Variants in ADAMTSL1 observed in about 807,000 individuals in gnomAD.
The protein encoded by ADAMTSL1 is ADAMTS-like protein 1.
Under a neutral mutation model 201.8 loss-of-function variants are expected in ADAMTSL1, and 126 were observed. That is an observed-to-expected ratio of 0.62 (90% CI 0.54 to 0.72). The LOEUF (loss-of-function observed/expected upper bound fraction) is 0.72, where lower values mean the gene tolerates loss of function less well. Among genes scored for constraint, ADAMTSL1 ranks in the 30% least tolerant of loss-of-function variants. The pLI, the probability that ADAMTSL1 is intolerant of heterozygous loss-of-function variation, is 0.00. For synonymous variants in ADAMTSL1, 1,121 were observed against 903.4 expected, an observed-to-expected ratio of 1.24 and a Z score of -4.32; for missense variants, 2,679 against 2,277.8, an observed-to-expected ratio of 1.18 and a Z score of -3.59.
chr9:18,287,656 C>CATATATGTATGTGTATACATAAATATATT, intron 2 of ADAMTSL1, among the ~76,000 whole-genome samples: 1 of 131,162 alleles, frequency 7.6e-6, no homozygotes, highest in South Asian at 2.4e-4. Flanking sequence ...TATACATATA[C>CATATATGTATGTGTATACATAAATATATT]ACATATATGT....
chr9:18,249,185 A>C (rs1831372002), intron 2 of ADAMTSL1, among the ~76,000 whole-genome samples: 1 of 152,238 alleles, frequency 6.6e-6, no homozygotes, highest in Non-Finnish European at 1.5e-5. Flanking sequence ...CAAATAAGGA[A>C]TAGCAAGTTG....
At chr9:18,897,680 G>C (rs1220756823) in intron 26 of ADAMTSL1, among the ~76,000 whole-genome samples, 2 of 152,148 alleles carry the variant, frequency 1.3e-5, no homozygotes, top group African/African-American at 2.4e-5. Context: ...CAACGAAAAA[G>C]ACCCCACAAA....
At chr9:18,319,586 G>C (rs1269937356) in intron 2 of ADAMTSL1, among the ~76,000 whole-genome samples, 1 of 152,112 alleles carries the variant, frequency 6.6e-6, no homozygotes, top group Non-Finnish European at 1.5e-5. Flanking sequence ...TATGGGGAGA[G>C]ATAAAAAGCC....
intron 1 of ADAMTSL1, among the ~76,000 whole-genome samples, chr9:18,121,702 A>G (rs1421354811): frequency 1.3e-5 from 2 of 152,224 alleles, no homozygotes; most frequent in Non-Finnish European, 2.9e-5. Context: ...CATATCATAC[A>G]AGAGGGAAAT....
intron 2 of ADAMTSL1, among the ~76,000 whole-genome samples, chr9:18,385,049 C>G (rs1211010182): frequency 6.6e-6 from 1 of 152,194 alleles, no homozygotes; most frequent in East Asian, 1.9e-4. Context: ...GGGATGCAGA[C>G]ATAAATACTG....
At chr9:18,874,408 T>A (rs1350802936) in intron 23 of ADAMTSL1, among the ~76,000 whole-genome samples, 1 of 152,146 alleles carries the variant, frequency 6.6e-6, no homozygotes, top group Non-Finnish European at 1.5e-5. Flanking sequence ...CCATTCAGTA[T>A]AGTGTTGGCT....
At chr9:18,440,805 A>G (rs2133451964) in intron 2 of ADAMTSL1, among the ~76,000 whole-genome samples, 1 of 152,170 alleles carries the variant, frequency 6.6e-6, no homozygotes, top group East Asian at 1.9e-4. Flanking sequence ...ATTTTTACTT[A>G]CCAGACTACC....
chr9:18,554,775 C>T (rs34540271), intron 3 of ADAMTSL1, among the ~76,000 whole-genome samples: 37,849 of 150,394 alleles, frequency 0.25, 5,451 homozygotes, highest in Admixed American at 0.35. Context: ...AGAGAAGTTT[C>T]CATATGTCTC....
chr9:18,854,455 G>C (rs1826716214), intron 23 of ADAMTSL1, among the ~76,000 whole-genome samples: 1 of 152,166 alleles, frequency 6.6e-6, no homozygotes, highest in Non-Finnish European at 1.5e-5. Flanking sequence ...AAGAAACTTG[G>C]AATACTGGTT....
chr9:17,962,712 T>G (rs1389819746), intron 1 of ADAMTSL1, among the ~76,000 whole-genome samples: 1 of 152,226 alleles, frequency 6.6e-6, no homozygotes, highest in African/African-American at 2.4e-5. Context: ...ATGATATCTT[T>G]AAACTTATGA....
chr9:18,861,853 A>G (rs1426580081), intron 23 of ADAMTSL1, among the ~76,000 whole-genome samples: 1 of 152,044 alleles, frequency 6.6e-6, no homozygotes, highest in Non-Finnish European at 1.5e-5. Flanking sequence ...CTCCCTTGCC[A>G]TGGCTCTCAT....
chr9:18,504,296 A>G (rs1182575794), intron 1 of ADAMTSL1, among the ~76,000 whole-genome samples: 3 of 152,214 alleles, frequency 2.0e-5, no homozygotes, highest in South Asian at 2.1e-4. Flanking sequence ...TCAAGAGGCA[A>G]TCCGTGCATT....
intron 23 of ADAMTSL1, 149 bp downstream of exon 23, chr9:18,830,126 T>A: frequency 1.8e-6 from 2 of 1,138,234 alleles, no homozygotes; most frequent in Non-Finnish European, 2.4e-6. Context: ...GACTCACCAG[T>A]GGAAACTTGG....
chr9:18,128,316 A>G (rs1263910651), intron 1 of ADAMTSL1, among the ~76,000 whole-genome samples: 4 of 152,198 alleles, frequency 2.6e-5, no homozygotes, highest in Non-Finnish European at 5.9e-5. Flanking sequence ...CAATGATAGT[A>G]TTTCTGGACA....
intron 2 of ADAMTSL1, among the ~76,000 whole-genome samples, chr9:18,164,189 C>G (rs1827531857): frequency 6.6e-6 from 1 of 151,930 alleles, no homozygotes; most frequent in Admixed American, 6.6e-5. Context: ...AAGATTTAAA[C>G]ATTTTACTCA....
chr9:18,578,099 A>G (rs1822854045), intron 4 of ADAMTSL1, among the ~76,000 whole-genome samples: 1 of 151,582 alleles, frequency 6.6e-6, no homozygotes, highest in African/African-American at 2.4e-5. Context: ...AAATCATTGT[A>G]TGATTTTCCC....
intron 2 of ADAMTSL1, among the ~76,000 whole-genome samples, chr9:18,294,162 G>A (rs566424137): frequency 1.3e-5 from 2 of 152,198 alleles, no homozygotes; most frequent in East Asian, 3.9e-4. Flanking sequence ...AAAATTTCAC[G>A]CCAAAAATCG....
chr9:18,338,230 T>C (rs1174409584), intron 2 of ADAMTSL1, among the ~76,000 whole-genome samples: 1 of 152,028 alleles, frequency 6.6e-6, no homozygotes, highest in Non-Finnish European at 1.5e-5. Context: ...TCCACCGCAC[T>C]CTCAGCATGG....
At chr9:18,185,687 G>A (rs1828701162) in intron 2 of ADAMTSL1, among the ~76,000 whole-genome samples, 1 of 152,110 alleles carries the variant, frequency 6.6e-6, no homozygotes, top group South Asian at 2.1e-4. Context: ...AACACTAGCT[G>A]TCTAAATCAA....
Sources: allele counts gnomAD v4.1 joint callset (sites outside exome capture counted in the v4.1 genomes callset), GRCh38; gene constraint gnomAD v4.1.1; transcripts MANE v1.5; gene names NCBI Gene and HGNC (gene_info 2026-07-23, HGNC 2026-07-21).